SH3BGRL2: variants seen among roughly 807,000 people sequenced by gnomAD.
SH3BGRL2 encodes SH3 domain binding glutamate rich protein like 2, also known as SH3 domain-binding glutamic acid-rich-like protein 2.
A neutral mutation model predicts 14.8 loss-of-function variants in SH3BGRL2; 21 were observed. The observed-to-expected ratio is 1.42, with a 90% CI of 1.01 to 2.05. SH3BGRL2 has a LOEUF of 2.05. SH3BGRL2 is among the 30% of genes most tolerant of loss of function. The pLI, the probability that SH3BGRL2 is intolerant of heterozygous loss-of-function variation, is 0.00. For synonymous variants in SH3BGRL2, 50 were observed against 47.8 expected, an observed-to-expected ratio of 1.05 and a Z score of -0.19; for missense variants, 147 against 130.8, an observed-to-expected ratio of 1.12 and a Z score of -0.61.
At chr6:79,682,448 A>G (rs771680532) in intron 2 of SH3BGRL2, among the ~76,000 whole-genome samples, 10 of 152,248 alleles carry the variant, frequency 6.6e-5, no homozygotes, top group Non-Finnish European at 1.2e-4. Flanking sequence ...AAAGTCTTAC[A>G]TAAACACTGC....
chr6:79,688,730 TTTTA>T (rs1377091873), intron 2 of SH3BGRL2, among the ~76,000 whole-genome samples: 3 of 152,156 alleles, frequency 2.0e-5, no homozygotes, highest in African/African-American at 7.2e-5. Context: ...GATTTTTTTA[TTTTA>T]TTTAAGAATG....
the SH3BGRL2 span, among the ~76,000 whole-genome samples, chr6:79,596,558 G>A: frequency 1.1e-4 from 16 of 152,196 alleles, no homozygotes; most frequent in Non-Finnish European, 1.8e-4. Context: ...GCCTCCCAAA[G>A]AGCTGGGATT....
the SH3BGRL2 span, among the ~76,000 whole-genome samples, chr6:79,585,348 G>A: frequency 6.6e-6 from 1 of 151,920 alleles, no homozygotes; most frequent in Non-Finnish European, 1.5e-5. Context: ...TGTCTTTCAA[G>A]ATAAATGGCA....
chr6:79,608,356 G>A, the SH3BGRL2 span, among the ~76,000 whole-genome samples: 2 of 152,166 alleles, frequency 1.3e-5, no homozygotes, highest in Non-Finnish European at 2.9e-5. Context: ...ACAGCACCTG[G>A]ACCAAGATGT....
intron 1 of SH3BGRL2, among the ~76,000 whole-genome samples, chr6:79,658,778 A>G (rs1290976873): frequency 1.3e-5 from 2 of 152,090 alleles, no homozygotes; most frequent in East Asian, 3.9e-4. Context: ...AAGCGTTCCT[A>G]TTTCTCCATA....
chr6:79,573,828 T>A, the SH3BGRL2 span: 1 of 152,242 alleles, frequency 6.6e-6, no homozygotes, highest in Non-Finnish European at 1.5e-5. Flanking sequence ...TTACTATGTT[T>A]AACAATTTGT....
chr6:79,545,536 A>C, the SH3BGRL2 span, among the ~76,000 whole-genome samples: 1 of 152,226 alleles, frequency 6.6e-6, no homozygotes, highest in Non-Finnish European at 1.5e-5. Flanking sequence ...TTTTGTCTTC[A>C]TAATTATAGG....
chr6:79,683,162 C>T (rs558276568), intron 2 of SH3BGRL2, among the ~76,000 whole-genome samples: 13 of 152,092 alleles, frequency 8.5e-5, no homozygotes, highest in Admixed American at 3.3e-4. Flanking sequence ...CAAACCTGCA[C>T]GTTGTGCACA....
the SH3BGRL2 span, among the ~76,000 whole-genome samples, chr6:79,595,561 C>A: frequency 6.6e-6 from 1 of 151,894 alleles, no homozygotes; most frequent in African/African-American, 2.4e-5. Context: ...ATATAATACA[C>A]CAAAAAATAA....
At chr6:79,646,383 T>A (rs184005306) in intron 1 of SH3BGRL2, among the ~76,000 whole-genome samples, 21 of 152,338 alleles carry the variant, frequency 1.4e-4, no homozygotes, top group African/African-American at 5.1e-4. Flanking sequence ...TCCTAATACT[T>A]CTAGAGCAGT....
the SH3BGRL2 span, among the ~76,000 whole-genome samples, chr6:79,622,795 A>T: frequency 6.6e-6 from 1 of 152,230 alleles, no homozygotes; most frequent in African/African-American, 2.4e-5. Context: ...GATGATTTTT[A>T]AAAATTAATT....
At chr6:79,599,098 G>T in the SH3BGRL2 span, among the ~76,000 whole-genome samples, 4,052 of 138,790 alleles carry the variant, frequency 0.029, 171 homozygotes, top group African/African-American at 0.1. Context: ...AAAAAAAAAA[G>T]TGCTCAACCT....
chr6:79,674,920 G>C (rs752949219), intron 2 of SH3BGRL2, among the ~76,000 whole-genome samples: 1 of 152,024 alleles, frequency 6.6e-6, no homozygotes, highest in Non-Finnish European at 1.5e-5. Flanking sequence ...CGTTTCAAAA[G>C]CATTTCTTAA....
At position 79,674,463 on chromosome 6, in the gene SH3BGRL2, T is replaced by C. The variant is rs1332660346; in HGVS notation, c.231+664T>C. Reference sequence around the variant, plus strand: ...AGGTTAAGAAAAATAATTGAGAAACTTCTTTCTAATGAGTAAGTTAGGATT... The same window carrying C: ...AGGTTAAGAAAAATAATTGAGAAACCTCTTTCTAATGAGTAAGTTAGGATT... On this transcript the variant is annotated intron_variant, in intron 2 of 3. Coordinates refer to ENST00000369838, the MANE Select transcript of SH3BGRL2 (RefSeq NM_031469.4). Among the ~76,000 whole-genome samples the C allele has an allele frequency of 3.9e-5, 6 of 152,336 alleles. No homozygotes were observed. In the East Asian group the frequency reaches 1.2e-3, roughly 29 times the overall value.
In SH3BGRL2 at chr6:79,631,428, G is replaced by A; in HGVS notation, c.-34G>A. 1 of 1,508,890 alleles carries A rather than the reference G, an allele frequency of 6.6e-7. No individual in the cohort carries two copies. Among genetic ancestry groups the A allele is most frequent in the Non-Finnish European group, 8.9e-7 (1 of 1,128,078 alleles). 93.5% of individuals were successfully genotyped at this position (1,508,890 alleles called of 1,614,324 possible). A position where few individuals can be genotyped will look rare whatever the true frequency, so the allele number is the denominator to read the frequency against. Reference sequence around the variant, plus strand: ...GCGTCCACGCCAGCCCGGAGCCCGGGGGGCAAGGGGTCTGTCCCGGGCGCA... The same window carrying A: ...GCGTCCACGCCAGCCCGGAGCCCGGAGGGCAAGGGGTCTGTCCCGGGCGCA... On this transcript the variant is annotated 5_prime_UTR_variant, in exon 1 of 4. Coordinates refer to ENST00000369838, the MANE Select transcript of SH3BGRL2 (RefSeq NM_031469.4).
intron 1 of SH3BGRL2, among the ~76,000 whole-genome samples, chr6:79,659,632 G>A (rs1769499774): frequency 6.6e-6 from 1 of 152,110 alleles, no homozygotes; most frequent in East Asian, 1.9e-4. Context: ...TTCTTTTTTG[G>A]TTCCGTATGA....
At chr6:79,615,226 A>C in the SH3BGRL2 span, among the ~76,000 whole-genome samples, 1 of 152,106 alleles carries the variant, frequency 6.6e-6, no homozygotes, top group Non-Finnish European at 1.5e-5. Flanking sequence ...AAAAGATCAC[A>C]CTTCTGAGAG....
At chr6:79,628,690 G>T (rs1347792101), upstream of SH3BGRL2, among the ~76,000 whole-genome samples, 2 of 152,030 alleles carry the variant, frequency 1.3e-5, no homozygotes. Flanking sequence ...TGTTTTACTG[G>T]ATTGCTAACA....
chr6:79,656,525 A>G lies in SH3BGRL2; in HGVS notation c.46-17089A>G, dbSNP rs557374633. Among the ~76,000 whole-genome samples the G allele has an allele frequency of 8.5e-5, 13 of 152,320 alleles. No individual in the cohort carries two copies. The South Asian group carries it at 2.5e-3, about 29-fold the overall frequency. On this transcript the variant is annotated intron_variant, in intron 1 of 3. Transcript: ENST00000369838. ...ACGTATCACAATACATAAAAGGACCATAAGTACAGTTGGCCCTTCCGTATT... is the reference window on the plus strand; with the variant it reads ...ACGTATCACAATACATAAAAGGACCGTAAGTACAGTTGGCCCTTCCGTATT...
Sources: allele counts gnomAD v4.1 joint callset (sites outside exome capture counted in the v4.1 genomes callset), GRCh38; gene constraint gnomAD v4.1.1; transcripts MANE v1.5; gene names NCBI Gene and HGNC (gene_info 2026-07-23, HGNC 2026-07-21).